The following RBMS3 variants were observed in gnomAD, a reference collection of about 807,000 sequenced individuals.
RBMS3 encodes the protein RNA-binding motif, single-stranded-interacting protein 3.
RBMS3 carries 27 observed loss-of-function variants against 66.8 expected under a neutral mutation model. That is an observed-to-expected ratio of 0.40 (90% CI 0.30 to 0.56). RBMS3 has a LOEUF of 0.56. Among genes scored for constraint, RBMS3 ranks in the 20% least tolerant of loss-of-function variants. The pLI, the probability that RBMS3 is intolerant of heterozygous loss-of-function variation, is 0.40. For missense variants in RBMS3, 513 were observed against 549.5 expected (o/e 0.93, Z 0.66); for synonymous variants, 188 against 183.0 (o/e 1.03, Z -0.22).
At chr3:29,698,059 A>G (rs1378727879) in intron 4 of RBMS3, 1 of 263,578 alleles carries the variant, frequency 3.8e-6, no homozygotes, top group Non-Finnish European at 5.9e-6. Context: ...ACTAAGGGGG[A>G]AAAGCAACAC....
At chr3:29,891,144 C>T (rs182290669) in intron 8 of RBMS3, among the ~76,000 whole-genome samples, 8 of 151,646 alleles carry the variant, frequency 5.3e-5, no homozygotes, top group East Asian at 3.9e-4. Context: ...AAGAGTTAAA[C>T]GGTCTGTATC....
At chr3:29,808,019 C>G (rs532545514) in intron 6 of RBMS3, among the ~76,000 whole-genome samples, 20 of 151,916 alleles carry the variant, frequency 1.3e-4, no homozygotes, top group South Asian at 4.1e-4. Context: ...AACCCACATA[C>G]CACATTGATT....
At chr3:29,844,723 C>T (rs1348475605) in intron 6 of RBMS3, among the ~76,000 whole-genome samples, 1 of 152,138 alleles carries the variant, frequency 6.6e-6, no homozygotes, top group Non-Finnish European at 1.5e-5. Flanking sequence ...TTTCAAATCA[C>T]TAAGACTTAT....
At chr3:29,882,501 A>C (rs956444853) in intron 7 of RBMS3, among the ~76,000 whole-genome samples, 2 of 152,042 alleles carry the variant, frequency 1.3e-5, no homozygotes, top group Non-Finnish European at 2.9e-5. Flanking sequence ...TCTGACAGTC[A>C]TTTCAATTCT....
At chr3:29,758,991 C>T (rs1262631358) in intron 5 of RBMS3, among the ~76,000 whole-genome samples, 2 of 152,098 alleles carry the variant, frequency 1.3e-5, no homozygotes, top group African/African-American at 4.8e-5. Flanking sequence ...GTTTTAAATA[C>T]ATGGTTAATA....
At chr3:29,904,349 G>T (rs1317424749) in intron 10 of RBMS3, among the ~76,000 whole-genome samples, 1 of 151,856 alleles carries the variant, frequency 6.6e-6, no homozygotes, top group Non-Finnish European at 1.5e-5. Context: ...ATATGCATAT[G>T]AAATTATATA....
intron 4 of RBMS3, among the ~76,000 whole-genome samples, chr3:29,605,935 C>T (rs2048306225): frequency 6.7e-6 from 1 of 148,590 alleles, no homozygotes; most frequent in African/African-American, 2.5e-5. Flanking sequence ...ATTTTCCCCT[C>T]TTTCTGGCTT....
chr3:29,444,808 T>TTTTTTTTTTTTTTTTTTTTTTTA (rs2041763955), intron 2 of RBMS3, among the ~76,000 whole-genome samples: 1 of 139,942 alleles, frequency 7.1e-6, no homozygotes, highest in Non-Finnish European at 1.5e-5. Context: ...TTTTTTTTTT[T>TTTTTTTTTTTTTTTTTTTTTTTA]TTTTGCTCCA....
At chr3:29,860,781 G>T (rs1258450163) in intron 6 of RBMS3, among the ~76,000 whole-genome samples, 1 of 152,180 alleles carries the variant, frequency 6.6e-6, no homozygotes, top group African/African-American at 2.4e-5. Flanking sequence ...TTAGTATCAT[G>T]TTTTCATCCA....
At chr3:29,472,891 TTTA>T (rs2042789534) in intron 2 of RBMS3, among the ~76,000 whole-genome samples, 1 of 152,068 alleles carries the variant, frequency 6.6e-6, no homozygotes, top group African/African-American at 2.4e-5. Context: ...ACAGTCTGCT[TTTA>T]TTCTCTTATC....
At chr3:29,676,690 A>G (rs909698215) in intron 4 of RBMS3, among the ~76,000 whole-genome samples, 4 of 152,174 alleles carry the variant, frequency 2.6e-5, no homozygotes, top group African/African-American at 9.6e-5. Context: ...GATTTTGTCA[A>G]CCAGTAGCTT....
At chr3:29,788,892 C>T (rs1037682316) in intron 6 of RBMS3, among the ~76,000 whole-genome samples, 8 of 152,088 alleles carry the variant, frequency 5.3e-5, no homozygotes, top group African/African-American at 1.9e-4. Flanking sequence ...ACACCTTGGC[C>T]AATACAATGG....
At chr3:30,000,346 T>C (rs934545855) in intron 14 of RBMS3, among the ~76,000 whole-genome samples, 5 of 151,808 alleles carry the variant, frequency 3.3e-5, no homozygotes, top group Admixed American at 3.3e-4. Flanking sequence ...GAGATACCAT[T>C]TCATGCCAGT....
chr3:29,687,004 T>A (rs1179276472), intron 4 of RBMS3, among the ~76,000 whole-genome samples: 5 of 152,158 alleles, frequency 3.3e-5, no homozygotes, highest in Non-Finnish European at 1.5e-5. Context: ...ACTCTACAAG[T>A]ATATCATCAG....
intron 6 of RBMS3, chr3:29,766,928 A>G (rs1210906799): frequency 6.6e-6 from 1 of 151,990 alleles, no homozygotes; most frequent in Non-Finnish European, 1.5e-5. Context: ...CCTAGAGGGA[A>G]AAGAAAATAC....
rs183875815 is a variant in RBMS3, at chr3:29,328,513, G to A, written c.75+46757G>A. 8.5e-5 allele frequency among the ~76,000 whole-genome samples: 13 copies of A among 152,214 alleles called. No individual in the cohort carries two copies. In the East Asian group the frequency reaches 2.3e-3, roughly 27 times the overall value. ...GGTCTGTTGCTTTCCACGGTTCCAT[G>A]AAATAGTTAGATGATTTAATAAGAA... On this transcript the variant is annotated intron_variant, in intron 1 of 14. Coordinates refer to ENST00000383767, the MANE Select transcript of RBMS3 (RefSeq NM_001003793.3).
Position 29,922,511 on chromosome 3 carries a change from A to G in RBMS3, c.940-13575A>G, listed in dbSNP as rs1035056060. On this transcript the variant is annotated intron_variant, in intron 10 of 14. Coordinates refer to ENST00000383767, the MANE Select transcript of RBMS3 (RefSeq NM_001003793.3). Reference sequence around the variant, plus strand: ...TCCGTCTCAAAAAAAAAAAAAAAAAAAAAGAAAAAAGATAGAAACTCAGCA... The same window carrying G: ...TCCGTCTCAAAAAAAAAAAAAAAAAGAAAGAAAAAAGATAGAAACTCAGCA... Among the ~76,000 whole-genome samples, 220 of 151,536 alleles carry G rather than the reference A, an allele frequency of 1.5e-3. 2 individuals are homozygous for G. The highest frequency in any genetic ancestry group is 4.5e-3 in the African/African-American group (187 of 41,380).
intron 3 of RBMS3, among the ~76,000 whole-genome samples, chr3:29,515,679 A>C (rs1400169925): frequency 6.6e-6 from 1 of 152,138 alleles, no homozygotes; most frequent in African/African-American, 2.4e-5. Context: ...CAGTAGGGTG[A>C]CTCCATCTAG....
intron 3 of RBMS3, among the ~76,000 whole-genome samples, chr3:29,508,527 G>C (rs1452509512): frequency 6.6e-6 from 1 of 152,136 alleles, no homozygotes; most frequent in Non-Finnish European, 1.5e-5. Flanking sequence ...CAAAGGACAT[G>C]AACTCATTCC....
Sources: gnomAD v4.1 joint callset for allele counts (sites outside exome capture counted in the v4.1 genomes callset) on GRCh38, gnomAD v4.1.1 for gene constraint, MANE v1.5 for transcripts, NCBI Gene and HGNC (gene_info 2026-07-23, HGNC 2026-07-21) for gene names.